IDE: variants seen among roughly 807,000 people sequenced by gnomAD.
IDE encodes the protein insulin-degrading enzyme.
IDE carries 58 observed loss-of-function variants against 133.2 expected under a neutral mutation model. The ratio of observed to expected loss-of-function variants is 0.44; its 90% CI spans 0.35 to 0.54. IDE has a LOEUF of 0.54. IDE is among the 20% of genes least tolerant of loss of function. The pLI, the probability that IDE is intolerant of heterozygous loss-of-function variation, is 0.00. For missense variants in IDE, 981 were observed against 1,234.0 expected, an observed-to-expected ratio of 0.79 and a Z score of 3.07; for synonymous variants, 396 against 421.3, an observed-to-expected ratio of 0.94 and a Z score of 0.73.
chr10:92,478,340 C>A (rs984508412), intron 15 of IDE, among the ~76,000 whole-genome samples: 1 of 152,094 alleles, frequency 6.6e-6, no homozygotes, highest in East Asian at 1.9e-4. Flanking sequence ...CTTCTACTTA[C>A]GGATGTTAAT....
At chr10:92,507,063 AAAAG>A in intron 9 of IDE, among the ~76,000 whole-genome samples, 1 of 151,904 alleles carries the variant, frequency 6.6e-6, no homozygotes, top group East Asian at 1.9e-4. Flanking sequence ...ACCCTTTTTT[AAAAG>A]GCTTTTAAAA....
chr10:92,572,902 C>T (rs1483421554), intron 1 of IDE: 1 of 985,216 alleles, frequency 1.0e-6, no homozygotes, highest in Non-Finnish European at 1.2e-6. Context: ...TTCTGACCCT[C>T]ATCAACACAC....
chr10:92,517,624 C>T (rs553349711), intron 4 of IDE, among the ~76,000 whole-genome samples: 3 of 152,106 alleles, frequency 2.0e-5, no homozygotes, highest in South Asian at 2.1e-4. Context: ...CTATGTTACC[C>T]AGGTTGGTTC....
At chr10:92,569,705 G>T (rs1224719679) in intron 1 of IDE, among the ~76,000 whole-genome samples, 6 of 152,064 alleles carry the variant, frequency 3.9e-5, no homozygotes, top group African/African-American at 1.4e-4. Flanking sequence ...AAATTGTTTT[G>T]AAAAAAGACC....
At chr10:92,454,591 A>C (rs1844894122) in intron 24 of IDE, 52 bp from the exon 25 acceptor site, 1 of 1,344,902 alleles carries the variant, frequency 7.4e-7, no homozygotes, top group Admixed American at 1.7e-5. Context: ...CATCAGAATA[A>C]GGACATCAAC....
Position 92,573,996 on chromosome 10 carries a change from A to T in IDE, c.24T>A (p.Leu8=). 1 of 1,510,826 alleles carries T rather than the reference A, an allele frequency of 6.6e-7. No homozygotes were observed. The highest frequency in any genetic ancestry group is 8.8e-7 in the Non-Finnish European group (1 of 1,131,978). 93.6% of individuals were successfully genotyped at this position (1,510,826 alleles called of 1,614,324 possible). The change falls in exon 1 of 25, where the codon CTT becomes CTA. Residue 8 remains leucine, a synonymous_variant. Transcript: ENST00000265986. MRYRLAW[L]LHPALPSTFR... ...AGGTGCTGGGCAGTGCGGGGTGCAGAAGCCACGCTAGCCGGTACCGCATTA... is the reference window on the plus strand; with the variant it reads ...AGGTGCTGGGCAGTGCGGGGTGCAGTAGCCACGCTAGCCGGTACCGCATTA...
chr10:92,515,046 G>C lies in IDE; in HGVS notation c.662-4C>G, dbSNP rs936902200. The C allele has an allele frequency of 1.3e-6, 2 of 1,581,206 alleles. No individual in the cohort carries two copies. Among genetic ancestry groups the C allele is most frequent in the Non-Finnish European group, 1.7e-6 (2 of 1,166,114 alleles). On this transcript the variant is annotated splice_polypyrimidine_tract_variant and splice_region_variant and intron_variant, in intron 4 of 24. Coordinates refer to ENST00000265986, the MANE Select transcript of IDE (RefSeq NM_004969.4). ...GTCTCCAGAGTATATTTGTTACCTG[G>C]AAGGGAAGAAAAGGGATTTCTTAGA...
chr10:92,561,273 G>GTAAA (rs952175629), intron 1 of IDE, among the ~76,000 whole-genome samples: 1 of 151,308 alleles, frequency 6.6e-6, no homozygotes, highest in Non-Finnish European at 1.5e-5. Context: ...AAATAAATAA[G>GTAAA]TAAATAAATA....
chr10:92,508,794 G>T lies in IDE; in HGVS notation c.994C>A (p.His332Asn), dbSNP rs1848436638. 5 of 1,613,686 alleles carry T rather than the reference G, an allele frequency of 3.1e-6. No individual in the cohort carries two copies. The highest frequency in any genetic ancestry group is 4.2e-6 in the Non-Finnish European group (5 of 1,179,736). Residue 332 changes from histidine to asparagine, a missense_variant, in exon 7 of 25, where the codon CAT (histidine) becomes AAT (asparagine). His to Asn is a moderately conservative substitution (Grantham distance 68, BLOSUM62 1). Coordinates refer to ENST00000265986, the MANE Select transcript of IDE (RefSeq NM_004969.4). ...LQKYYKSNPG[H>N]YLGHLIGHEG... ...TGCCCAATGAGATGACCAAGATAAT[G>T]ACCAGGATTTGATTTGTAGTATTTC...
intron 17 of IDE, among the ~76,000 whole-genome samples, chr10:92,470,584 T>G (rs1845913846): frequency 6.6e-6 from 1 of 152,224 alleles, no homozygotes; most frequent in Non-Finnish European, 1.5e-5. Flanking sequence ...TATCTTTTTT[T>G]TTATTCCAGG....
chr10:92,506,553 G>T, intron 9 of IDE, 31 bp from the exon 10 acceptor site: 2 of 1,075,726 alleles, frequency 1.9e-6, no homozygotes, highest in Non-Finnish European at 2.8e-6. Flanking sequence ...AATTAGATAC[G>T]GCCACCCTTA....
Position 92,478,555 on chromosome 10 carries a change from T to G in IDE, c.1884+722A>C, listed in dbSNP as rs575794959. 884 of 714,276 alleles carry G rather than the reference T, an allele frequency of 1.2e-3. 1 individual carries two copies. The highest frequency in any genetic ancestry group is 1.9e-3 in the Admixed American group (34 of 18,262). The allele number at this position is 714,276 out of a possible 1,614,324, so 44.2% of individuals were successfully genotyped here. On this transcript the variant is annotated intron_variant, in intron 15 of 24. Transcript: ENST00000265986. ...CAAGGAAAAAAACCATTAACTTTCT[T>G]GTTTAAAAATGCGAAGTTAATAGTT...
In IDE at chr10:92,574,004, C is replaced by T. The variant is rs1375982275; in HGVS notation, c.16G>A (p.Ala6Thr). The T allele has an allele frequency of 6.6e-7, 1 of 1,511,874 alleles. No homozygotes were observed. Among genetic ancestry groups the T allele is most frequent in the Non-Finnish European group, 8.8e-7 (1 of 1,132,482 alleles). The allele number at this position is 1,511,874 out of a possible 1,614,324, so 93.7% of individuals were successfully genotyped here. ...GGCAGTGCGGGGTGCAGAAGCCACG[C>T]TAGCCGGTACCGCATTAGCCAGCGC... MRYRL[A>T]WLLHPALPST... Residue 6 changes from alanine (A) to threonine (T), a missense_variant, in exon 1 of 25, where the codon GCG becomes ACG. By Grantham distance (58) the Ala-to-Thr change is moderately conservative. This residue lies in a region of IDE where 321 missense variants were observed against 339.3 expected (regional missense o/e 0.95). Coordinates refer to ENST00000265986, the MANE Select transcript of IDE (RefSeq NM_004969.4).
intron 12 of IDE, among the ~76,000 whole-genome samples, chr10:92,488,932 T>TAAAAAAA (rs56377277): frequency 3.8e-5 from 3 of 78,974 alleles, no homozygotes; most frequent in Admixed American, 1.6e-4. Context: ...TTTCATTATT[T>TAAAAAAA]AAAAAAAAAA....
At position 92,468,869 on chromosome 10, in the gene IDE, C is replaced by T. The variant is rs768368186; in HGVS notation, c.2320+10G>A. ...TAGTCCATTCCCAAAGTTACAACAT[C>T]TCTACTTACTGTCAGGGAGCTGAAC... On this transcript the variant is annotated intron_variant, in intron 19 of 24. Transcript: ENST00000265986. 2 of 1,428,486 alleles carry T rather than the reference C, an allele frequency of 1.4e-6. No individual in the cohort carries two copies. Among genetic ancestry groups the T allele is most frequent in the Non-Finnish European group, 2.0e-6 (2 of 1,010,766 alleles). 88.5% of individuals were successfully genotyped at this position (1,428,486 alleles called of 1,614,324 possible). A position where few individuals can be genotyped will look rare whatever the true frequency, so the allele number is the denominator to read the frequency against.
At chr10:92,501,381 A>AAAAAG (rs1384449774) in intron 11 of IDE, among the ~76,000 whole-genome samples, 2 of 147,442 alleles carry the variant, frequency 1.4e-5, no homozygotes, top group African/African-American at 5.0e-5. Flanking sequence ...AAAAAAAAAA[A>AAAAAG]AAAAAAAAAA....
chr10:92,465,750 T>G lies in IDE; in HGVS notation c.2414A>C (p.Asn805Thr). The change falls in exon 20 of 25, where the codon AAT (asparagine) becomes ACT (threonine). Residue 805 changes from asparagine to threonine, a missense_variant. Asn to Thr is a moderately conservative substitution (Grantham distance 65, BLOSUM62 0). This residue lies in a region of IDE where 660 missense variants were observed against 894.7 expected (regional missense o/e 0.74). Coordinates refer to ENST00000265986, the MANE Select transcript of IDE (RefSeq NM_004969.4). ...YQTDMQSTSE[N>T]MFLELFCQII... ...CTGACAGAAGAGCTCCAGAAACATA[T>G]TCTCTGAGGTGCTTTGCATGTCTGT... The G allele has an allele frequency of 1.2e-6, 2 of 1,613,898 alleles. No individual in the cohort carries two copies. Among genetic ancestry groups the G allele is most frequent in the Non-Finnish European group, 1.7e-6 (2 of 1,179,782 alleles).
At chr10:92,513,067 A>C (rs1848711315) in intron 5 of IDE, among the ~76,000 whole-genome samples, 1 of 152,262 alleles carries the variant, frequency 6.6e-6, no homozygotes, top group Non-Finnish European at 1.5e-5. Flanking sequence ...ATGAAAAGCC[A>C]GGTTGTTGGA....
At chr10:92,562,913 G>A (rs1463988234) in intron 1 of IDE, among the ~76,000 whole-genome samples, 1 of 152,154 alleles carries the variant, frequency 6.6e-6, no homozygotes, top group African/African-American at 2.4e-5. Flanking sequence ...GCCAAGGCGG[G>A]TGGATCATCT....
Sources: allele counts gnomAD v4.1 joint callset (sites outside exome capture counted in the v4.1 genomes callset), GRCh38; gene constraint gnomAD v4.1.1; regional missense constraint gnomAD v4.1.1; transcripts MANE v1.5; gene names NCBI Gene and HGNC (gene_info 2026-07-23, HGNC 2026-07-21).